Variants in IL21R observed in about 807,000 individuals in gnomAD.
IL21R encodes interleukin-21 receptor.
IL21R carries 14 observed loss-of-function variants against 41.3 expected under a neutral mutation model. The ratio of observed to expected loss-of-function variants is 0.34; its 90% CI spans 0.22 to 0.53. The LOEUF (loss-of-function observed/expected upper bound fraction) is 0.53, where lower values mean the gene tolerates loss of function less well. Among genes scored for constraint, IL21R ranks in the 20% least tolerant of loss-of-function variants. The pLI is 0.94. For missense variants in IL21R, 588 were observed against 681.6 expected, an observed-to-expected ratio of 0.86 and a Z score of 1.53; for synonymous variants, 286 against 287.6, an observed-to-expected ratio of 0.99 and a Z score of 0.05.
rs2087605558 is a variant in IL21R at position 27,451,924 on chromosome 16, C to T, written c.*2641C>T. The T allele has an allele frequency of 4.3e-6, 1 of 229,990 alleles. No individual in the cohort carries two copies. Among genetic ancestry groups the T allele is most frequent in the South Asian group, 1.8e-4 (1 of 5,498 alleles). The allele number at this position is 229,990 out of a possible 1,614,324, so 14.2% of individuals were successfully genotyped here. On this transcript the variant is annotated 3_prime_UTR_variant, in exon 9 of 9. Transcript: ENST00000337929. The stretch of plus-strand genomic sequence containing the variant: ...TTGGATAGACAGAGATAAATGCATA[C>T]TGGAAACAAAGATAAAGATAAAACA...
intron 1 of IL21R, among the ~76,000 whole-genome samples, chr16:27,403,488 G>A (rs1254510814): frequency 6.6e-6 from 1 of 152,184 alleles, no homozygotes; most frequent in Non-Finnish European, 1.5e-5. Flanking sequence ...GCACATGGTG[G>A]AGTCGGGGAA....
rs1168532058 is a variant in IL21R, at chr16:27,450,029, G to A, written c.*746G>A. ...GAAATTGGCGATGTCACCCGTGTAC[G>A]GTACGCAGCCCAGAGCAGACCCTCA... is the stretch of plus-strand genomic sequence containing the variant. On this transcript the variant is annotated 3_prime_UTR_variant, in exon 9 of 9. Coordinates refer to ENST00000337929, the MANE Select transcript of IL21R (RefSeq NM_181078.3). The A allele has an allele frequency of 1.3e-5, 3 of 232,666 alleles. No homozygotes were observed. Among genetic ancestry groups the A allele is most frequent in the Admixed American group, 5.6e-5 (1 of 17,766 alleles). The allele number at this position is 232,666 out of a possible 1,614,324, so 14.4% of individuals were successfully genotyped here.
chr16:27,422,150 C>T (rs936891871), intron 1 of IL21R, among the ~76,000 whole-genome samples: 1 of 152,036 alleles, frequency 6.6e-6, no homozygotes, highest in Non-Finnish European at 1.5e-5. Context: ...AAAAAGTCCC[C>T]TGCCAGTCTT....
chr16:27,404,179 G>A (rs1448929660), intron 1 of IL21R, among the ~76,000 whole-genome samples: 2 of 152,168 alleles, frequency 1.3e-5, no homozygotes, highest in East Asian at 1.9e-4. Flanking sequence ...TGGGCTCAGC[G>A]ATGCCCCTGT....
chr16:27,443,350 C>T (rs2087424057), intron 5 of IL21R, among the ~76,000 whole-genome samples: 1 of 152,154 alleles, frequency 6.6e-6, no homozygotes. Flanking sequence ...GGTCAGCATG[C>T]CAAAGAGACT....
chr16:27,407,992 G>A (rs147789005), intron 1 of IL21R, among the ~76,000 whole-genome samples: 54 of 152,304 alleles, frequency 3.5e-4, no homozygotes, highest in East Asian at 1.5e-3. Context: ...TTCACAATTC[G>A]TTTCCATAGA....
chr16:27,429,991 A>G, intron 1 of IL21R, 65 bp from the exon 2 acceptor site: 1 of 1,384,122 alleles, frequency 7.2e-7, no homozygotes, highest in East Asian at 2.4e-5. Context: ...AAGAGACAGG[A>G]TGAGGGGGAG....
At chr16:27,440,286 AAGCGC>A (rs2087365775) in intron 4 of IL21R, among the ~76,000 whole-genome samples, 24 of 105,458 alleles carry the variant, frequency 2.3e-4, no homozygotes, top group Admixed American at 4.5e-4. Flanking sequence ...GAGAGCGAGC[AAGCGC>A]GCGCCAGGGT....
chr16:27,441,741 G>A (rs2087391472), intron 4 of IL21R, among the ~76,000 whole-genome samples: 1 of 152,230 alleles, frequency 6.6e-6, no homozygotes, highest in African/African-American at 2.4e-5. Context: ...AGGTGCAGTG[G>A]CTTGTTCTTG....
intron 1 of IL21R, among the ~76,000 whole-genome samples, chr16:27,413,389 T>G (rs982907188): frequency 6.6e-6 from 1 of 152,148 alleles, no homozygotes; most frequent in Admixed American, 6.6e-5. Flanking sequence ...TTTGCATCAG[T>G]ATTCATCAAG....
chr16:27,441,529 G>A (rs1241314892), intron 4 of IL21R, among the ~76,000 whole-genome samples: 1 of 152,178 alleles, frequency 6.6e-6, no homozygotes, highest in African/African-American at 2.4e-5. Context: ...CCCAGAGCAG[G>A]GCAGCCAGGC....
At position 27,448,884 on chromosome 16, in the gene IL21R, T is replaced by G; in HGVS notation, c.1218T>G (p.Ala406=). ...GCTACCCAGCCCTGGACCTGGATGC[T>G]GGCCTGGAGCCCAGCCCAGGCCTAG... ...DDGYPALDLD[A]GLEPSPGLED... The change falls in exon 9 of 9, where the codon GCT becomes GCG. Residue 406 remains alanine (A), a synonymous_variant. Coordinates refer to ENST00000337929, the MANE Select transcript of IL21R (RefSeq NM_181078.3). 1 of 1,612,092 alleles carries G rather than the reference T, an allele frequency of 6.2e-7. No homozygotes were observed. Among genetic ancestry groups the G allele is most frequent in the Non-Finnish European group, 8.5e-7 (1 of 1,179,376 alleles).
At chr16:27,403,595 T>C (rs2086695210) in intron 1 of IL21R, among the ~76,000 whole-genome samples, 1 of 152,168 alleles carries the variant, frequency 6.6e-6, no homozygotes, top group Non-Finnish European at 1.5e-5. Flanking sequence ...GGTTTTCTCA[T>C]CTATGAAATG....
chr16:27,440,007 G>T (rs1236506409), intron 4 of IL21R, among the ~76,000 whole-genome samples: 2 of 151,968 alleles, frequency 1.3e-5, no homozygotes, highest in Non-Finnish European at 2.9e-5. Context: ...CTGCCCCGGG[G>T]AAGACAAAAG....
intron 1 of IL21R, among the ~76,000 whole-genome samples, chr16:27,414,165 AGTGT>A (rs3917005): frequency 1.4e-5 from 2 of 144,184 alleles, no homozygotes; most frequent in Non-Finnish European, 3.0e-5. Flanking sequence ...AGCTATGTAT[AGTGT>A]GTGTGTGTGT....
chr16:27,443,776 C>T (rs932082199), intron 5 of IL21R, among the ~76,000 whole-genome samples: 3 of 141,026 alleles, frequency 2.1e-5, no homozygotes, highest in African/African-American at 2.7e-5. Flanking sequence ...GAGTGAGACT[C>T]GATCTCAAAA....
chr16:27,409,183 A>T (rs1412625501), intron 1 of IL21R, among the ~76,000 whole-genome samples: 3 of 147,688 alleles, frequency 2.0e-5, no homozygotes, highest in Non-Finnish European at 4.5e-5. Flanking sequence ...ATATTTATAA[A>T]AATAAATTAT....
At chr16:27,411,637 A>G (rs12448874) in intron 1 of IL21R, among the ~76,000 whole-genome samples, 30,352 of 151,156 alleles carry the variant, frequency 0.2, 3,963 homozygotes, top group East Asian at 0.44. Context: ...TAATTTTTGT[A>G]TTTGTTAGTA....
chr16:27,438,865 G>A (rs1338688845), intron 4 of IL21R, among the ~76,000 whole-genome samples: 1 of 152,244 alleles, frequency 6.6e-6, no homozygotes, highest in African/African-American at 2.4e-5. Context: ...GTGAGACTCC[G>A]TCTCAAACAA....
Sources: allele counts gnomAD v4.1 joint callset (sites outside exome capture counted in the v4.1 genomes callset), GRCh38; gene constraint gnomAD v4.1.1; transcripts MANE v1.5; gene names NCBI Gene and HGNC (gene_info 2026-07-23, HGNC 2026-07-21).